Variants in MTMR10 observed in about 807,000 individuals in gnomAD.
The protein encoded by MTMR10 is myotubularin related protein 10.
Under a neutral mutation model 88.1 loss-of-function variants are expected in MTMR10, and 56 were observed. The observed-to-expected ratio is 0.64, with a 90% CI of 0.51 to 0.79. The LOEUF (loss-of-function observed/expected upper bound fraction) is 0.79, where lower values mean the gene tolerates loss of function less well. Among genes scored for constraint, MTMR10 ranks in the 30% least tolerant of loss-of-function variants. The probability of loss-of-function intolerance (pLI) is 0.00; values close to 1 mark genes in which losing one functional copy is unlikely to be tolerated. For missense variants in MTMR10, 883 were observed against 924.7 expected (o/e 0.95, Z 0.58); for synonymous variants, 380 against 340.9 (o/e 1.11, Z -1.26).
intron 2 of MTMR10, among the ~76,000 whole-genome samples, chr15:30,982,822 TA>T (rs35989879): frequency 6.6e-6 from 1 of 151,986 alleles, no homozygotes; most frequent in South Asian, 2.1e-4. Flanking sequence ...TTCATAATTT[TA>T]AAAAAAAGGA....
the MTMR10 span, chr15:30,927,245 G>A: frequency 2.9e-5 from 29 of 985,530 alleles, no homozygotes; most frequent in Admixed American, 4.9e-4. Context: ...AAATGATCTG[G>A]CCTTTATATT....
At chr15:30,980,812 C>A (rs940495796) in intron 2 of MTMR10, among the ~76,000 whole-genome samples, 8 of 152,022 alleles carry the variant, frequency 5.3e-5, no homozygotes, top group African/African-American at 2.4e-5. Flanking sequence ...CTCTCAATGG[C>A]CAAAGCTGGA....
rs1436167074 is a variant in MTMR10 at position 30,939,200 on chromosome 15, G to A, written c.*2270C>T. On this transcript the variant is annotated 3_prime_UTR_variant, in exon 16 of 16. Transcript: ENST00000435680. The stretch of plus-strand genomic sequence containing the variant: ...AATATCCTTTCCTTAAATAAAGTTA[G>A]TTAGCTATTTTTGGTTTCAAAATCA... 2 of 985,230 alleles carry A rather than the reference G, an allele frequency of 2.0e-6. No individual in the cohort carries two copies. Among genetic ancestry groups the A allele is most frequent in the East Asian group, 1.1e-4 (1 of 8,834 alleles). The allele number at this position is 985,230 out of a possible 1,614,324, so 61.0% of individuals were successfully genotyped here.
rs751432224 is a variant in MTMR10 at position 30,976,895 on chromosome 15, T to C, written c.182A>G (p.Gln61Arg). 5 of 1,613,728 alleles carry C rather than the reference T, an allele frequency of 3.1e-6. No homozygotes were observed. Among genetic ancestry groups the C allele is most frequent in the African/African-American group, 1.3e-5 (1 of 74,936 alleles). The change falls in exon 3 of 16, where the codon CAG (glutamine) becomes CGG (arginine). Residue 61 changes from glutamine (Q) to arginine (R), a missense_variant. By Grantham distance (43) the Gln-to-Arg change is conservative. Transcript: ENST00000435680. The stretch of plus-strand genomic sequence containing the variant: ...TATCAGCTTTCCCCACAAATCGTAC[T>C]GGCTTGTGTCTGTTGCAATGCATTT... ...VRKCIATDTS[Q>R]YDLWGKLICS...
the MTMR10 span, chr15:30,928,704 G>A: frequency 2.7e-5 from 44 of 1,611,254 alleles, no homozygotes; most frequent in South Asian, 5.5e-5. Flanking sequence ...GCACACATCC[G>A]TGGCTCACGC....
At position 30,976,905 on chromosome 15, in the gene MTMR10, C is replaced by A. The variant is rs2030193756; in HGVS notation, c.172G>T (p.Asp58Tyr). 1.2e-6 allele frequency: 2 copies of A among 1,613,612 alleles called. No individual in the cohort carries two copies. The highest frequency in any genetic ancestry group is 2.7e-5 in the African/African-American group (2 of 74,924). Residue 58 changes from aspartate to tyrosine, a missense_variant, in exon 3 of 16, where the codon GAC becomes TAC. Physicochemically the swap from Asp to Tyr is radical, Grantham distance 160. Around this residue, in one of 3 missense-constraint regions of MTMR10, gnomAD observed 414 missense variants for 423.2 expected, o/e 0.98. Transcript: ENST00000435680. ...VNFVRKCIAT[D>Y]TSQYDLWGKL... ...CCCCACAAATCGTACTGGCTTGTGT[C>A]TGTTGCAATGCATTTTCTCACAAAA...
intron 14 of MTMR10, chr15:30,943,836 GCACAGT>G: frequency 1.0e-6 from 1 of 985,426 alleles, no homozygotes; most frequent in Non-Finnish European, 1.2e-6. Flanking sequence ...TTTCTATGAA[GCACAGT>G]CACATTTAGC....
chr15:30,932,412 T>C, the MTMR10 span, among the ~76,000 whole-genome samples: 1 of 152,104 alleles, frequency 6.6e-6, no homozygotes, highest in African/African-American at 2.4e-5. Flanking sequence ...TTTTCTTTTC[T>C]TATTATCTCT....
rs751679715 is a variant in MTMR10, at chr15:30,976,917, A to AT, written c.159dup (p.Cys54MetfsTer19). 21 of 1,613,426 alleles carry AT rather than the reference A, an allele frequency of 1.3e-5. No homozygotes were observed. The highest frequency in any genetic ancestry group is 4.0e-5 in the African/African-American group (3 of 74,896). ...TACTGGCTTGTGTCTGTTGCAATGC[A>AT]TTTTCTCACAAAATTGACTTCATTT... On this transcript the variant is annotated frameshift_variant, in exon 3 of 16. Transcript: ENST00000435680. LOFTEE classifies it high-confidence loss of function.
rs147424946 is a variant in MTMR10, at chr15:30,960,603, A to C, written c.758+278T>G. 4.4e-4 allele frequency among the ~76,000 whole-genome samples: 67 copies of C among 152,344 alleles called. No homozygotes were observed. The East Asian group carries it at 6.4e-3, about 14-fold the overall frequency. On this transcript the variant is annotated intron_variant, in intron 7 of 15. Coordinates refer to ENST00000435680, the MANE Select transcript of MTMR10 (RefSeq NM_017762.3). ...TTCAATGTGAAGACTTTAGATCCTG[A>C]TATGAACAAACCAACTGTAAAACAC... is the stretch of plus-strand genomic sequence containing the variant.
At chr15:30,924,150 T>A in the MTMR10 span, among the ~76,000 whole-genome samples, 21 of 152,374 alleles carry the variant, frequency 1.4e-4, no homozygotes, top group Admixed American at 1.2e-3. Flanking sequence ...TTTCTGAGCT[T>A]CACCCGCATC....
At chr15:30,983,418 T>TTAA (rs1291763683) in intron 2 of MTMR10, among the ~76,000 whole-genome samples, 5 of 152,200 alleles carry the variant, frequency 3.3e-5, no homozygotes, top group Non-Finnish European at 5.9e-5. Flanking sequence ...GCAATTACAG[T>TTAA]TAATAAACCT....
the MTMR10 span, among the ~76,000 whole-genome samples, chr15:30,933,284 T>G: frequency 1.3e-5 from 2 of 152,226 alleles, no homozygotes; most frequent in Non-Finnish European, 2.9e-5. Flanking sequence ...TCCTTCTCAG[T>G]GCTGCTTTAT....
At chr15:30,959,894 A>T (rs1483090125) in intron 7 of MTMR10, among the ~76,000 whole-genome samples, 1 of 152,238 alleles carries the variant, frequency 6.6e-6, no homozygotes, top group Non-Finnish European at 1.5e-5. Context: ...AAAAATTCAT[A>T]ATAACTAAAT....
chr15:30,959,234 TTAG>T (rs1172555339), intron 7 of MTMR10, 113 bp from the exon 8 acceptor site: 2 of 929,014 alleles, frequency 2.2e-6, no homozygotes, highest in Non-Finnish European at 1.6e-6. Flanking sequence ...TGCACCCCAC[TTAG>T]TAGCCACATG....
intron 7 of MTMR10, among the ~76,000 whole-genome samples, chr15:30,959,923 A>C (rs2063378653): frequency 6.6e-6 from 1 of 152,254 alleles, no homozygotes; most frequent in African/African-American, 2.4e-5. Context: ...ACAAATTAAA[A>C]AAACAAATTC....
intron 13 of MTMR10, 49 bp from the exon 14 acceptor site, chr15:30,947,349 C>A (rs749671667): frequency 1.3e-6 from 2 of 1,564,804 alleles, no homozygotes; most frequent in South Asian, 1.2e-5. Context: ...ATCCTTCAGC[C>A]GTTCACATTT....
At chr15:30,966,116 T>G in intron 6 of MTMR10, 1 of 436,684 alleles carries the variant, frequency 2.3e-6, no homozygotes. Flanking sequence ...AGTGTTATGT[T>G]TATGAGGTAC....
intron 2 of MTMR10, among the ~76,000 whole-genome samples, chr15:30,984,156 A>G (rs2030780020): frequency 6.6e-6 from 1 of 152,204 alleles, no homozygotes; most frequent in Non-Finnish European, 1.5e-5. Context: ...TTAGCAAATT[A>G]CAAGGTTAAA....
Sources: gnomAD v4.1 joint callset for allele counts (sites outside exome capture counted in the v4.1 genomes callset) on GRCh38, gnomAD v4.1.1 for gene constraint, gnomAD v4.1.1 regional missense constraint, MANE v1.5 for transcripts, NCBI Gene and HGNC (gene_info 2026-07-23, HGNC 2026-07-21) for gene names.